The following ELSPBP1 variants were observed in gnomAD, a reference collection of about 807,000 sequenced individuals.
The protein encoded by ELSPBP1 is epididymal sperm-binding protein 1.
In ELSPBP1, 38 loss-of-function variants were observed where a neutral mutation model predicts 33.3. The observed-to-expected ratio is 1.14, with a 90% CI of 0.88 to 1.50. The LOEUF is 1.50. Among genes scored for constraint, ELSPBP1 ranks in the 40% most tolerant of loss-of-function variants. ELSPBP1 has a pLI of 0.00. For synonymous variants in ELSPBP1, 85 were observed against 94.1 expected (o/e 0.90, Z 0.56); for missense variants, 267 against 263.5 (o/e 1.01, Z -0.09).
At chr19:47,997,109 G>T (rs1966918837) in intron 1 of ELSPBP1, among the ~76,000 whole-genome samples, 1 of 152,144 alleles carries the variant, frequency 6.6e-6, no homozygotes, top group South Asian at 2.1e-4. Flanking sequence ...ATCCACACAG[G>T]TTTTTAATTA....
chr19:47,999,288 C>A (rs1265996174), intron 1 of ELSPBP1, among the ~76,000 whole-genome samples: 1 of 151,938 alleles, frequency 6.6e-6, no homozygotes, highest in African/African-American at 2.4e-5. Context: ...TTTTAAAGTG[C>A]ACAATTTAGT....
At chr19:47,998,500 C>T (rs974893702) in intron 1 of ELSPBP1, among the ~76,000 whole-genome samples, 2 of 151,884 alleles carry the variant, frequency 1.3e-5, no homozygotes, top group Admixed American at 6.6e-5. Context: ...GACAAAATGG[C>T]AGAGTCCGGG....
intron 1 of ELSPBP1, among the ~76,000 whole-genome samples, chr19:47,996,022 T>G (rs561295797): frequency 1.5e-3 from 228 of 152,330 alleles, no homozygotes; most frequent in African/African-American, 5.4e-3. Flanking sequence ...CCATGTTGGG[T>G]GGTAGATATT....
At chr19:47,998,866 C>T (rs1966939105) in intron 1 of ELSPBP1, among the ~76,000 whole-genome samples, 1 of 151,954 alleles carries the variant, frequency 6.6e-6, no homozygotes, top group South Asian at 2.1e-4. Flanking sequence ...CTCAGACGAG[C>T]TTGTGTACAA....
rs80229703 is a variant in ELSPBP1 at position 48,004,603 on chromosome 19, T to C, written c.-17-4048T>C. 3.2e-3 allele frequency among the ~76,000 whole-genome samples: 494 copies of C among 152,276 alleles called. 5 individuals are homozygous for C. The highest frequency in any genetic ancestry group is 0.011 in the African/African-American group (468 of 41,560). ...CTCTCACGTCTCCCTCCTCCATCTG[T>C]TCCTCCAGGTGTCAGCTTACCTGTC... On this transcript the variant is annotated intron_variant, in intron 1 of 6. Transcript: ENST00000339841.
intron 4 of ELSPBP1, among the ~76,000 whole-genome samples, chr19:48,016,990 G>A (rs1967149681): frequency 6.6e-6 from 1 of 152,102 alleles, no homozygotes; most frequent in Non-Finnish European, 1.5e-5. Context: ...TGTCCTCTCT[G>A]TCCTACACTG....
rs758550566 is a variant in ELSPBP1 at position 48,022,254 on chromosome 19, G to A, written c.599G>A (p.Gly200Glu). 9.9e-6 allele frequency: 16 copies of A among 1,613,774 alleles called. No homozygotes were observed. Among genetic ancestry groups the A allele is most frequent in the Admixed American group, 8.3e-5 (5 of 59,966 alleles). Residue 200 changes from glycine to glutamate, a missense_variant, in exon 6 of 7, where the codon GGA becomes GAA. Coordinates refer to ENST00000339841, the MANE Select transcript of ELSPBP1 (RefSeq NM_022142.5). ...NKNYFNCTNE[G>E]SKENLVWCAT... is the part of the protein sequence containing the mutation. ...AATTATTTTAACTGCACTAACGAAG[G>A]ATCAAAGGAGAACCTTGTGTGGTGT...
intron 1 of ELSPBP1, 41 bp from the exon 2 acceptor site, chr19:48,008,610 G>C: frequency 2.8e-6 from 4 of 1,411,462 alleles, no homozygotes; most frequent in Non-Finnish European, 4.0e-6. Flanking sequence ...GGAAGAGGAA[G>C]GGGACGTGTG....
intron 1 of ELSPBP1, among the ~76,000 whole-genome samples, chr19:48,002,401 C>T (rs572615382): frequency 2.0e-5 from 3 of 152,216 alleles, no homozygotes; most frequent in Non-Finnish European, 4.4e-5. Context: ...GGGTTTTGGG[C>T]CAGGCAGGAA....
In ELSPBP1 at chr19:47,998,539, C is replaced by A. The variant is rs577853662; in HGVS notation, c.-18+3728C>A. On this transcript the variant is annotated intron_variant, in intron 1 of 6. Transcript: ENST00000339841. ...CGGTGGCTCACGCCTGTAATCCCAG[C>A]ACTTTGGGAGGCCGAGGCGGGCGGA... Among the ~76,000 whole-genome samples, 440 of 152,290 alleles carry A rather than the reference C, an allele frequency of 2.9e-3. 3 individuals carry two copies. Among genetic ancestry groups the A allele is most frequent in the Non-Finnish European group, 4.0e-3 (270 of 68,026 alleles).
intron 2 of ELSPBP1, 23 bp downstream of exon 2, chr19:48,008,760 G>A (rs1367230004): frequency 1.9e-6 from 3 of 1,600,948 alleles, no homozygotes; most frequent in Non-Finnish European, 1.7e-6. Flanking sequence ...AAAGCAACAG[G>A]GAGGATTTAG....
intron 1 of ELSPBP1, among the ~76,000 whole-genome samples, chr19:48,001,528 A>T (rs1020453609): frequency 6.6e-6 from 1 of 151,564 alleles, no homozygotes; most frequent in Admixed American, 6.6e-5. Flanking sequence ...CCATCTCAAG[A>T]TCCTTAGCTT....
chr19:48,009,903 C>T (rs996452527), intron 2 of ELSPBP1, among the ~76,000 whole-genome samples: 1 of 152,176 alleles, frequency 6.6e-6, no homozygotes, highest in African/African-American at 2.4e-5. Flanking sequence ...CCAACATCCC[C>T]TACGGTTTCA....
At chr19:48,012,130 T>C (rs1288577998) in intron 2 of ELSPBP1, among the ~76,000 whole-genome samples, 3 of 152,130 alleles carry the variant, frequency 2.0e-5, no homozygotes, top group Non-Finnish European at 4.4e-5. Context: ...TTTTGTTCTG[T>C]TTTGTTTTGT....
rs535234642 is a variant in ELSPBP1, at chr19:48,019,870, C to T, written c.507C>T (p.Ala169=). 5.3e-5 allele frequency: 86 copies of T among 1,611,050 alleles called. No homozygotes were observed. The highest frequency in any genetic ancestry group is 6.5e-5 in the Non-Finnish European group (77 of 1,178,388). The change falls in exon 5 of 7, where the codon GCC becomes GCT. Residue 169 remains alanine (A), a synonymous_variant. Transcript: ENST00000339841. ...MDKDGKWSFC[A]DTRISALVPG... The stretch of plus-strand genomic sequence containing the variant: ...AGGATGGAAAGTGGAGTTTCTGTGC[C>T]GACACCAGTAATCTGGGGATGGGGG...
chr19:48,014,373 G>C, intron 3 of ELSPBP1, 65 bp downstream of exon 3: 1 of 1,564,426 alleles, frequency 6.4e-7, no homozygotes, highest in South Asian at 1.2e-5. Flanking sequence ...AAGAGAATGT[G>C]TGACTGTCTA....
chr19:48,020,977 T>G (rs1967193938), intron 5 of ELSPBP1, among the ~76,000 whole-genome samples: 1 of 152,234 alleles, frequency 6.6e-6, no homozygotes, highest in African/African-American at 2.4e-5. Flanking sequence ...ATTTCTCAGC[T>G]GGTCATGGGA....
At chr19:48,014,542 G>C (rs895209033) in intron 3 of ELSPBP1, among the ~76,000 whole-genome samples, 1 of 122,182 alleles carries the variant, frequency 8.2e-6, no homozygotes, top group African/African-American at 3.1e-5. Flanking sequence ...GGGGCGGGGG[G>C]AGGGATAGCA....
chr19:47,996,041 T>A (rs976904605), intron 1 of ELSPBP1, among the ~76,000 whole-genome samples: 4 of 152,230 alleles, frequency 2.6e-5, no homozygotes, highest in African/African-American at 9.6e-5. Context: ...TTGGTGCCAA[T>A]GTCTTATCTA....
Sources: gnomAD v4.1 joint callset for allele counts (sites outside exome capture counted in the v4.1 genomes callset) on GRCh38, gnomAD v4.1.1 for gene constraint, MANE v1.5 for transcripts, NCBI Gene and HGNC (gene_info 2026-07-23, HGNC 2026-07-21) for gene names.